The following RUNX1 variants were observed in gnomAD, a reference collection of about 807,000 sequenced individuals.
RUNX1 encodes the protein RUNX family transcription factor 1.
RUNX1 carries 19 observed loss-of-function variants against 42.8 expected under a neutral mutation model. The observed-to-expected ratio is 0.44, with a 90% CI of 0.31 to 0.65. The LOEUF (loss-of-function observed/expected upper bound fraction) is 0.65, where lower values mean the gene tolerates loss of function less well. RUNX1 is among the 30% of genes least tolerant of loss of function. RUNX1 has a pLI of 0.07. For missense variants in RUNX1, 528 were observed against 672.0 expected (o/e 0.79, Z 2.37); for synonymous variants, 271 against 289.4 (o/e 0.94, Z 0.64).
chr21:34,974,873 C>G lies in RUNX1; in HGVS notation c.58+73969G>C, dbSNP rs762915626. Among the ~76,000 whole-genome samples the G allele has an allele frequency of 2.6e-5, 4 of 152,166 alleles. No homozygotes were observed. In the South Asian group the frequency reaches 8.3e-4, roughly 32 times the overall value. ...AAACATTTTAAGTAACAGACTGTGA[C>G]GTTATAATGGCATGAATTTATTTAA... On this transcript the variant is annotated intron_variant, in intron 2 of 8. Coordinates refer to ENST00000675419, the MANE Select transcript of RUNX1 (RefSeq NM_001754.5).
At chr21:34,957,486 G>A (rs142272276) in intron 2 of RUNX1, among the ~76,000 whole-genome samples, 12 of 152,250 alleles carry the variant, frequency 7.9e-5, no homozygotes, top group Non-Finnish European at 1.6e-4. Context: ...AAGTACTCCT[G>A]GAATTCTGGG....
intron 2 of RUNX1, among the ~76,000 whole-genome samples, chr21:34,894,546 G>A (rs748674619): frequency 5.3e-5 from 8 of 152,084 alleles, no homozygotes; most frequent in Non-Finnish European, 1.0e-4. Context: ...CACCTGTGGA[G>A]GTTTGAAGTG....
intron 2 of RUNX1, among the ~76,000 whole-genome samples, chr21:34,978,834 C>G (rs939118758): frequency 1.3e-5 from 2 of 152,010 alleles, no homozygotes; most frequent in Non-Finnish European, 2.9e-5. Flanking sequence ...TTTTCTGATA[C>G]TGAAGCATGT....
intron 2 of RUNX1, among the ~76,000 whole-genome samples, chr21:35,002,877 A>G (rs1398934554): frequency 6.6e-6 from 1 of 152,206 alleles, no homozygotes; most frequent in Non-Finnish European, 1.5e-5. Flanking sequence ...TGCAAGCATG[A>G]GTGTAAAATG....
At chr21:34,950,606 G>A (rs1227592355) in intron 2 of RUNX1, among the ~76,000 whole-genome samples, 3 of 152,148 alleles carry the variant, frequency 2.0e-5, no homozygotes, top group Non-Finnish European at 4.4e-5. Context: ...GCATGGTGGC[G>A]GGTGCCTGTA....
chr21:34,824,162 T>C (rs2056952906), intron 7 of RUNX1, among the ~76,000 whole-genome samples: 1 of 152,182 alleles, frequency 6.6e-6, no homozygotes, highest in South Asian at 2.1e-4. Context: ...TTCTATTTTT[T>C]CTTAAAACAG....
At chr21:34,826,487 G>A (rs1313030341) in intron 7 of RUNX1, among the ~76,000 whole-genome samples, 3 of 143,038 alleles carry the variant, frequency 2.1e-5, no homozygotes, top group Non-Finnish European at 3.0e-5. Context: ...ACCCAGGCTG[G>A]AGTGCAGTAA....
chr21:34,920,234 T>A (rs2146551316), intron 2 of RUNX1, among the ~76,000 whole-genome samples: 1 of 152,348 alleles, frequency 6.6e-6, no homozygotes, highest in East Asian at 1.9e-4. Flanking sequence ...ACTCCCACTC[T>A]CTTTTGTTTC....
At chr21:34,822,416 G>A (rs1333274116) in intron 7 of RUNX1, among the ~76,000 whole-genome samples, 1 of 152,216 alleles carries the variant, frequency 6.6e-6, no homozygotes, top group Non-Finnish European at 1.5e-5. Context: ...CAATGTCCTT[G>A]TCATAATCTT....
At chr21:34,963,672 C>T (rs991704556) in intron 2 of RUNX1, among the ~76,000 whole-genome samples, 1 of 152,188 alleles carries the variant, frequency 6.6e-6, no homozygotes, top group Non-Finnish European at 1.5e-5. Context: ...AGTCCACCCC[C>T]AAGAAGTATC....
At chr21:34,997,809 C>T (rs1378313170) in intron 2 of RUNX1, among the ~76,000 whole-genome samples, 1 of 152,212 alleles carries the variant, frequency 6.6e-6, no homozygotes, top group Non-Finnish European at 1.5e-5. Flanking sequence ...CTGCAAACTT[C>T]CCAAGATGAT....
intron 8 of RUNX1, chr21:34,798,108 T>C: frequency 2.2e-6 from 1 of 456,570 alleles, no homozygotes; most frequent in Non-Finnish European, 4.4e-6. Flanking sequence ...AAACACAACA[T>C]TACACAACAT....
At chr21:34,813,186 C>T (rs921992251) in intron 7 of RUNX1, among the ~76,000 whole-genome samples, 1 of 152,068 alleles carries the variant, frequency 6.6e-6, no homozygotes, top group East Asian at 1.9e-4. Flanking sequence ...TCATCTAGTA[C>T]GTGGAGGCCA....
intron 2 of RUNX1, among the ~76,000 whole-genome samples, chr21:34,953,365 C>T (rs2058622440): frequency 6.6e-6 from 1 of 152,184 alleles, no homozygotes; most frequent in East Asian, 1.9e-4. Context: ...TTGGCACAGT[C>T]GTGTGAATAA....
rs141779305 is a variant in RUNX1, at chr21:34,836,916, C to T, written c.614-2315G>A. Among the ~76,000 whole-genome samples, 452 of 152,314 alleles carry T rather than the reference C, an allele frequency of 3.0e-3. 3 individuals carry two copies. The highest frequency in any genetic ancestry group is 9.8e-3 in the African/African-American group (406 of 41,552). On this transcript the variant is annotated intron_variant, in intron 6 of 8. Coordinates refer to ENST00000675419, the MANE Select transcript of RUNX1 (RefSeq NM_001754.5). ...CCAGCAAGCGTGGGGACCTGTGCCACGGAGACACCCAACAGGAATCATCAT... is the reference window on the plus strand; with the variant it reads ...CCAGCAAGCGTGGGGACCTGTGCCATGGAGACACCCAACAGGAATCATCAT...
chr21:35,030,974 T>C (rs578085502), intron 2 of RUNX1, among the ~76,000 whole-genome samples: 1 of 152,164 alleles, frequency 6.6e-6, no homozygotes, highest in Non-Finnish European at 1.5e-5. Context: ...GTATAAAAAA[T>C]ACTCAACATC....
At position 34,886,944 on chromosome 21, in the gene RUNX1, C is replaced by T. The variant is rs779860067; in HGVS notation, c.250G>A (p.Asp84Asn). The T allele has an allele frequency of 6.2e-7, 1 of 1,612,738 alleles. No homozygotes were observed. Among genetic ancestry groups the T allele is most frequent in the Admixed American group, 1.7e-5 (1 of 59,980 alleles). Residue 84 changes from aspartate to asparagine, a missense_variant, in exon 4 of 9, where the codon GAC (aspartate) becomes AAC (asparagine). Asp to Asn is a conservative substitution (Grantham distance 23, BLOSUM62 1). Coordinates refer to ENST00000675419, the MANE Select transcript of RUNX1 (RefSeq NM_001754.5). ...GDRSMVEVLA[D>N]HPGELVRTDS... ...GTGCGCACCAGCTCGCCCGGGTGGT[C>T]GGCCAGCACCTCCACCATGCTGCGG...
At chr21:34,802,770 C>T (rs79652947) in intron 7 of RUNX1, among the ~76,000 whole-genome samples, 3,290 of 152,294 alleles carry the variant, frequency 0.022, 49 homozygotes, top group African/African-American at 0.047. Flanking sequence ...AGGGAAAGCA[C>T]CGAACTCAAA....
At chr21:35,048,151 ATG>A (rs1366309179) in intron 2 of RUNX1, among the ~76,000 whole-genome samples, 1 of 152,232 alleles carries the variant, frequency 6.6e-6, no homozygotes, top group Non-Finnish European at 1.5e-5. Flanking sequence ...AGACCTCGGT[ATG>A]CCACAATTTG....
Sources: gnomAD v4.1 joint callset for allele counts (sites outside exome capture counted in the v4.1 genomes callset) on GRCh38, gnomAD v4.1.1 for gene constraint, MANE v1.5 for transcripts, NCBI Gene and HGNC (gene_info 2026-07-23, HGNC 2026-07-21) for gene names.